Variants in FAM168A observed in about 807,000 individuals in gnomAD.
FAM168A encodes protein FAM168A.
In FAM168A, 3 loss-of-function variants were observed where a neutral mutation model predicts 28.5. That is an observed-to-expected ratio of 0.11 (90% CI 0.05 to 0.27). FAM168A has a LOEUF of 0.27. FAM168A is among the 10% of genes least tolerant of loss of function. The pLI, the probability that FAM168A is intolerant of heterozygous loss-of-function variation, is 1.00. For synonymous variants in FAM168A, 122 were observed against 124.2 expected (o/e 0.98, Z 0.12); for missense variants, 222 against 311.5 (o/e 0.71, Z 2.16).
intron 1 of FAM168A, among the ~76,000 whole-genome samples, chr11:73,493,513 A>C (rs146568116): frequency 1.3e-5 from 2 of 152,252 alleles, no homozygotes; most frequent in African/African-American, 4.8e-5. Context: ...CCTGGGCTCA[A>C]GTGATCCTCC....
Position 73,429,391 on chromosome 11 carries a change from G to A in FAM168A, c.151+1299C>T, listed in dbSNP as rs549340235. On this transcript the variant is annotated intron_variant, in intron 3 of 7. Coordinates refer to ENST00000356467, the MANE Select transcript of FAM168A (RefSeq NM_015159.3). ...AACTGGACGATCTCTAAGGTCTTTT[G>A]AAGCTTTCTAATTCTATAATGATAA... Among the ~76,000 whole-genome samples, 7 of 152,298 alleles carry A rather than the reference G, an allele frequency of 4.6e-5. No homozygotes were observed. In the East Asian group the frequency reaches 1.2e-3, roughly 25 times the overall value.
Position 73,476,124 on chromosome 11 carries a change from T to C in FAM168A, c.-18-7632A>G, listed in dbSNP as rs193066324. Among the ~76,000 whole-genome samples the C allele has an allele frequency of 1.7e-3, 266 of 152,238 alleles. 2 individuals carry two copies. The highest frequency in any genetic ancestry group is 6.2e-3 in the African/African-American group (257 of 41,526). ...CTGATCCTGGGTGAATTTAAGGCCT[T>C]GGACATAACAAAACTAAAAGTTAGA... On this transcript the variant is annotated intron_variant, in intron 1 of 7. Coordinates refer to ENST00000356467, the MANE Select transcript of FAM168A (RefSeq NM_015159.3).
At chr11:73,489,604 A>G (rs1440875330) in intron 1 of FAM168A, among the ~76,000 whole-genome samples, 1 of 148,744 alleles carries the variant, frequency 6.7e-6, no homozygotes, top group Non-Finnish European at 1.5e-5. Context: ...TCAACTTCCT[A>G]GGCTCAAGCG....
chr11:73,482,301 A>T (rs192594715), intron 1 of FAM168A, among the ~76,000 whole-genome samples: 100 of 149,902 alleles, frequency 6.7e-4, no homozygotes, highest in African/African-American at 2.4e-3. Flanking sequence ...AGCAAAACCC[A>T]AGCCTCCTGA....
chr11:73,593,471 T>C (rs976783349), intron 1 of FAM168A, among the ~76,000 whole-genome samples: 11 of 152,244 alleles, frequency 7.2e-5, no homozygotes, highest in Non-Finnish European at 1.6e-4. Flanking sequence ...GAGCATAATT[T>C]TTCTTCTTAT....
chr11:73,507,621 A>G (rs1175713445), intron 1 of FAM168A, among the ~76,000 whole-genome samples: 3 of 152,210 alleles, frequency 2.0e-5, no homozygotes, highest in Non-Finnish European at 4.4e-5. Context: ...ACCTAAAAAA[A>G]AAGTTAAAAA....
intron 2 of FAM168A, among the ~76,000 whole-genome samples, chr11:73,455,036 A>G (rs1309323281): frequency 1.3e-5 from 2 of 152,250 alleles, no homozygotes; most frequent in Non-Finnish European, 2.9e-5. Context: ...AAAGGCAAAG[A>G]GCCCACTGGG....
chr11:73,478,269 A>G (rs1171417639), intron 1 of FAM168A, among the ~76,000 whole-genome samples: 3 of 152,258 alleles, frequency 2.0e-5, no homozygotes, highest in Admixed American at 6.5e-5. Flanking sequence ...AATGTTAAAT[A>G]TCGACAATAT....
rs373293941 is a variant in FAM168A, at chr11:73,424,494, G to GC, written c.152-4496dup. Among the ~76,000 whole-genome samples, 74 of 151,376 alleles carry GC rather than the reference G, an allele frequency of 4.9e-4. 1 individual carries two copies. The highest frequency in any genetic ancestry group is 3.4e-3 in the Middle Eastern group (1 of 294). On this transcript the variant is annotated intron_variant, in intron 3 of 7. Transcript: ENST00000356467. ...CTGGTCCCTCATTTATCAGCACGCT[G>GC]CCCCCCCCACCTCTCACCATCTTCT...
In FAM168A at chr11:73,468,981, A is replaced by G. The variant is rs1056144830; in HGVS notation, c.-18-489T>C. On this transcript the variant is annotated intron_variant, in intron 1 of 7. Coordinates refer to ENST00000356467, the MANE Select transcript of FAM168A (RefSeq NM_015159.3). ...TGGTGACGAGCAAACAGACTGCTGG[A>G]AGGAAAAGCAGTGTCTCATCCGCCC... is the stretch of plus-strand genomic sequence containing the variant. 3.9e-5 allele frequency among the ~76,000 whole-genome samples: 6 copies of G among 152,214 alleles called. 1 individual carries two copies.
At chr11:73,423,808 C>T (rs779934827) in intron 3 of FAM168A, among the ~76,000 whole-genome samples, 2 of 152,200 alleles carry the variant, frequency 1.3e-5, no homozygotes, top group African/African-American at 4.8e-5. Flanking sequence ...TGAGAACAAG[C>T]CCCTTGTCTT....
chr11:73,562,573 T>C (rs1943972215), intron 1 of FAM168A, among the ~76,000 whole-genome samples: 1 of 152,184 alleles, frequency 6.6e-6, no homozygotes, highest in African/African-American at 2.4e-5. Context: ...ATGCTGGTAA[T>C]CTCAGAACTT....
chr11:73,549,533 A>C (rs576656478), intron 1 of FAM168A, among the ~76,000 whole-genome samples: 1 of 152,322 alleles, frequency 6.6e-6, no homozygotes, highest in Non-Finnish European at 1.5e-5. Context: ...TCTGCAGGAC[A>C]GCGCTATGTC....
At chr11:73,554,105 G>A (rs1036493256) in intron 1 of FAM168A, among the ~76,000 whole-genome samples, 1 of 152,136 alleles carries the variant, frequency 6.6e-6, no homozygotes, top group Non-Finnish European at 1.5e-5. Flanking sequence ...GCCAGGCGCA[G>A]TGGCTCACAC....
intron 1 of FAM168A, among the ~76,000 whole-genome samples, chr11:73,496,339 G>A (rs1854871744): frequency 2.0e-5 from 3 of 152,160 alleles, no homozygotes; most frequent in South Asian, 4.1e-4. Context: ...GTTGTTCAAC[G>A]GATATATTAG....
At chr11:73,487,744 C>G (rs963291938) in intron 1 of FAM168A, among the ~76,000 whole-genome samples, 5 of 152,194 alleles carry the variant, frequency 3.3e-5, no homozygotes, top group African/African-American at 1.2e-4. Flanking sequence ...ATCTTAATTT[C>G]AAATATCTCA....
rs1332249729 is a variant in FAM168A, at chr11:73,402,804, C to A, written c.*3959G>T. The A allele has an allele frequency of 2.0e-5, 3 of 152,234 alleles. No individual in the cohort carries two copies. The highest frequency in any genetic ancestry group is 6.5e-5 in the Admixed American group (1 of 15,278). 9.4% of individuals were successfully genotyped at this position (152,234 alleles called of 1,614,324 possible). ...GAGGCCTTTAGTTGCAAATTCTCAT[C>A]CTCCTTGTGCTGCCAGTTAGATGTG... On this transcript the variant is annotated 3_prime_UTR_variant, in exon 8 of 8. Transcript: ENST00000356467.
intron 1 of FAM168A, among the ~76,000 whole-genome samples, chr11:73,583,296 C>G (rs1944271830): frequency 6.6e-6 from 1 of 152,062 alleles, no homozygotes; most frequent in South Asian, 2.1e-4. Context: ...GAGCAAGACT[C>G]TGTCTCAAAA....
intron 2 of FAM168A, among the ~76,000 whole-genome samples, chr11:73,458,200 C>T (rs771190970): frequency 3.9e-5 from 6 of 152,158 alleles, no homozygotes; most frequent in Admixed American, 1.3e-4. Context: ...TTGTAGAGAA[C>T]AGGAAGCCAA....
Sources: gnomAD v4.1 joint callset for allele counts (sites outside exome capture counted in the v4.1 genomes callset) on GRCh38, gnomAD v4.1.1 for gene constraint, MANE v1.5 for transcripts, NCBI Gene and HGNC (gene_info 2026-07-23, HGNC 2026-07-21) for gene names.